Variants in PALLD observed in about 807,000 individuals in gnomAD.
PALLD encodes palladin.
A neutral mutation model predicts 123.5 loss-of-function variants in PALLD; 61 were observed. That is an observed-to-expected ratio of 0.49 (90% CI 0.40 to 0.61). PALLD has a LOEUF of 0.61. Among genes scored for constraint, PALLD ranks in the 20% least tolerant of loss-of-function variants. The pLI is 0.00. For synonymous variants in PALLD, 465 were observed against 496.4 expected, an observed-to-expected ratio of 0.94 and a Z score of 0.84; for missense variants, 1,273 against 1,377.0, an observed-to-expected ratio of 0.92 and a Z score of 1.20.
At chr4:168,588,921 C>T (rs1264428404) in intron 2 of PALLD, among the ~76,000 whole-genome samples, 1 of 152,200 alleles carries the variant, frequency 6.6e-6, no homozygotes, top group African/African-American at 2.4e-5. Context: ...CAATTTGCAA[C>T]TCTAGATGAA....
chr4:168,882,893 C>G (rs1229705511), intron 10 of PALLD, among the ~76,000 whole-genome samples: 1 of 152,106 alleles, frequency 6.6e-6, no homozygotes, highest in African/African-American at 2.4e-5. Flanking sequence ...AGATCGAGAT[C>G]ATCCTGGCCA....
intron 10 of PALLD, among the ~76,000 whole-genome samples, chr4:168,720,265 T>C (rs1785863574): frequency 6.6e-6 from 1 of 152,208 alleles, no homozygotes; most frequent in African/African-American, 2.4e-5. Context: ...TAAATTAGAT[T>C]CAGTGCAACC....
intron 10 of PALLD, among the ~76,000 whole-genome samples, chr4:168,831,776 T>A (rs951016825): frequency 2.6e-5 from 4 of 152,114 alleles, no homozygotes; most frequent in Admixed American, 2.0e-4. Flanking sequence ...CGACAACATA[T>A]CTATGGGCCT....
At chr4:168,498,386 C>T (rs545399024) in intron 1 of PALLD, among the ~76,000 whole-genome samples, 70 of 152,306 alleles carry the variant, frequency 4.6e-4, no homozygotes, top group Admixed American at 6.5e-4. Context: ...TAGCATATTT[C>T]ACAATAGAAT....
At chr4:168,694,760 A>G (rs1019662090) in intron 8 of PALLD, among the ~76,000 whole-genome samples, 5 of 151,944 alleles carry the variant, frequency 3.3e-5, no homozygotes, top group African/African-American at 9.7e-5. Context: ...TGTGTTTTAC[A>G]CTCCCCTCTC....
intron 2 of PALLD, among the ~76,000 whole-genome samples, chr4:168,608,725 T>C (rs1773433095): frequency 6.6e-6 from 1 of 152,212 alleles, no homozygotes; most frequent in African/African-American, 2.4e-5. Context: ...TGGATTTTTC[T>C]ATACCCTAAC....
At chr4:168,819,395 G>A (rs999734916) in intron 10 of PALLD, among the ~76,000 whole-genome samples, 3 of 151,128 alleles carry the variant, frequency 2.0e-5, no homozygotes, top group Non-Finnish European at 4.4e-5. Flanking sequence ...ATAATGTGAG[G>A]TAACCAGAGA....
chr4:168,879,542 A>G lies in PALLD; in HGVS notation c.1965-11380A>G, dbSNP rs1387494910. The stretch of plus-strand genomic sequence containing the variant: ...AGATCTTAGAATTCAAGTTATTTTC[A>G]TTCATCTATAAAAGTGTTCCATTGC... On this transcript the variant is annotated intron_variant, in intron 10 of 21. Transcript: ENST00000505667. Among the ~76,000 whole-genome samples the G allele has an allele frequency of 2.0e-5, 3 of 152,344 alleles. No individual in the cohort carries two copies. The South Asian group carries it at 6.2e-4, about 32-fold the overall frequency.
At chr4:168,879,416 A>G (rs2151129036) in intron 10 of PALLD, among the ~76,000 whole-genome samples, 1 of 152,344 alleles carries the variant, frequency 6.6e-6, no homozygotes, top group South Asian at 2.1e-4. Context: ...CAGCACCCAT[A>G]TCTCAACTCT....
chr4:168,500,238 C>G (rs536867256), intron 1 of PALLD, among the ~76,000 whole-genome samples: 23 of 152,212 alleles, frequency 1.5e-4, no homozygotes, highest in Middle Eastern at 3.2e-3. Flanking sequence ...TTACTAGACT[C>G]TGCTCTTTCT....
chr4:168,553,916 G>T (rs1263121389), intron 2 of PALLD, among the ~76,000 whole-genome samples: 1 of 152,138 alleles, frequency 6.6e-6, no homozygotes, highest in Non-Finnish European at 1.5e-5. Flanking sequence ...TGCTGAATCA[G>T]GGAATTCTAC....
intron 1 of PALLD, among the ~76,000 whole-genome samples, chr4:168,509,286 A>G (rs1446629841): frequency 2.6e-5 from 4 of 152,182 alleles, no homozygotes; most frequent in Non-Finnish European, 4.4e-5. Flanking sequence ...TACCAACTTC[A>G]TATCAGCATG....
At chr4:168,753,338 C>T (rs975716329) in intron 10 of PALLD, among the ~76,000 whole-genome samples, 4 of 152,066 alleles carry the variant, frequency 2.6e-5, no homozygotes, top group South Asian at 2.1e-4. Flanking sequence ...TCTTCCCTCC[C>T]TCCTTCCCCT....
chr4:168,598,491 T>C, intron 2 of PALLD: 1 of 539,930 alleles, frequency 1.9e-6, no homozygotes, highest in Admixed American at 2.2e-5. Context: ...AGAGAAGAAC[T>C]AGAGAGAGGA....
chr4:168,927,610 C>T lies in PALLD; in HGVS notation c.*1430C>T, dbSNP rs945419027. On this transcript the variant is annotated 3_prime_UTR_variant, in exon 22 of 22. Coordinates refer to ENST00000505667, the MANE Select transcript of PALLD (RefSeq NM_001166108.2). ...GCCATAAAGTATTTTTTCAAAGACA[C>T]CAAGATGTGGTAAATGAAAATTATT... The T allele has an allele frequency of 1.8e-5, 4 of 228,246 alleles. No individual in the cohort carries two copies. The highest frequency in any genetic ancestry group is 1.3e-3 in the Middle Eastern group (1 of 774). 14.1% of individuals were successfully genotyped at this position (228,246 alleles called of 1,614,324 possible). A position where few individuals can be genotyped will look rare whatever the true frequency, so the allele number is the denominator to read the frequency against.
chr4:168,546,316 A>T (rs896745035), intron 2 of PALLD, among the ~76,000 whole-genome samples: 1 of 117,392 alleles, frequency 8.5e-6, no homozygotes. Context: ...CCCACCCACC[A>T]AAAGAAAGTT....
At chr4:168,743,756 G>A (rs931951436) in intron 10 of PALLD, among the ~76,000 whole-genome samples, 73 of 152,156 alleles carry the variant, frequency 4.8e-4, no homozygotes, top group South Asian at 6.2e-4. Context: ...GCATGGAGCC[G>A]AAAAATAAGA....
intron 10 of PALLD, among the ~76,000 whole-genome samples, chr4:168,819,718 C>A (rs1449505070): frequency 6.6e-6 from 1 of 152,078 alleles, no homozygotes; most frequent in Non-Finnish European, 1.5e-5. Flanking sequence ...CGACTTAGAA[C>A]AATGCAGAAA....
intron 15 of PALLD, among the ~76,000 whole-genome samples, chr4:168,911,294 A>G (rs1758888990): frequency 6.6e-6 from 1 of 152,228 alleles, no homozygotes; most frequent in African/African-American, 2.4e-5. Context: ...TTCAAGTTTA[A>G]GTCTGAATTT....
Sources: gnomAD v4.1 joint callset for allele counts (sites outside exome capture counted in the v4.1 genomes callset) on GRCh38, gnomAD v4.1.1 for gene constraint, MANE v1.5 for transcripts, NCBI Gene and HGNC (gene_info 2026-07-23, HGNC 2026-07-21) for gene names.